The following CERT1 variants were observed in gnomAD, a reference collection of about 807,000 sequenced individuals.
CERT1 encodes the protein ceramide transporter 1.
In CERT1, 31 loss-of-function variants were observed where a neutral mutation model predicts 87.9. The ratio of observed to expected loss-of-function variants is 0.35; its 90% CI spans 0.27 to 0.48. The LOEUF (loss-of-function observed/expected upper bound fraction) is 0.48, where lower values mean the gene tolerates loss of function less well. Among genes scored for constraint, CERT1 ranks in the 20% least tolerant of loss-of-function variants. The pLI is 0.99. For synonymous variants in CERT1, 289 were observed against 250.9 expected (o/e 1.15, Z -1.44); for missense variants, 487 against 758.0 (o/e 0.64, Z 4.20).
intron 8 of CERT1, 191 bp downstream of exon 8, chr5:75,410,820 G>A: frequency 2.7e-6 from 1 of 367,732 alleles, no homozygotes; most frequent in South Asian, 8.0e-5. Flanking sequence ...AAACTTTGTA[G>A]GCAATAAGAA....
At chr5:75,380,692 C>A (rs1425155107) in intron 16 of CERT1, among the ~76,000 whole-genome samples, 2 of 148,876 alleles carry the variant, frequency 1.3e-5, no homozygotes, top group South Asian at 4.3e-4. Flanking sequence ...GGCAGAGAAT[C>A]GCTTGAACCC....
intron 7 of CERT1, among the ~76,000 whole-genome samples, chr5:75,414,511 G>GT: frequency 6.6e-6 from 1 of 152,250 alleles, no homozygotes; most frequent in East Asian, 1.9e-4. Flanking sequence ...ATCTAATAAT[G>GT]TAAGAAAATG....
chr5:75,497,644 C>T (rs866256267), intron 2 of CERT1, among the ~76,000 whole-genome samples: 3 of 151,998 alleles, frequency 2.0e-5, no homozygotes, highest in Admixed American at 6.6e-5. Flanking sequence ...TTTTTCCTGC[C>T]GCCCTGTTAA....
intron 11 of CERT1, among the ~76,000 whole-genome samples, chr5:75,392,628 C>T (rs1762072068): frequency 6.6e-6 from 1 of 152,106 alleles, no homozygotes; most frequent in Admixed American, 6.6e-5. Flanking sequence ...TCAGATTTAA[C>T]CTGATAATCT....
chr5:75,445,739 C>T (rs1201698813), intron 3 of CERT1, among the ~76,000 whole-genome samples: 1 of 152,170 alleles, frequency 6.6e-6, no homozygotes, highest in African/African-American at 2.4e-5. Flanking sequence ...AATGATCCAC[C>T]TGCCTCTACC....
chr5:75,444,112 G>A (rs1267365924), intron 3 of CERT1, among the ~76,000 whole-genome samples: 1 of 152,144 alleles, frequency 6.6e-6, no homozygotes, highest in Non-Finnish European at 1.5e-5. Flanking sequence ...CAGGAGTGCA[G>A]TGGCGTGATC....
chr5:75,395,555 C>CAAAAAAAAAAAA (rs35109034), intron 11 of CERT1, among the ~76,000 whole-genome samples: 1 of 48,014 alleles, frequency 2.1e-5, no homozygotes, highest in African/African-American at 7.2e-5. Context: ...TGTCTCTTTA[C>CAAAAAAAAAAAA]AAAAAAAAAA....
intron 3 of CERT1, among the ~76,000 whole-genome samples, chr5:75,438,701 A>G (rs1243299123): frequency 6.6e-6 from 1 of 152,142 alleles, no homozygotes; most frequent in African/African-American, 2.4e-5. Context: ...CCATTTCAAC[A>G]TATTTGCTTT....
chr5:75,483,715 A>G (rs1270462381), intron 2 of CERT1, among the ~76,000 whole-genome samples: 1 of 152,140 alleles, frequency 6.6e-6, no homozygotes, highest in Admixed American at 6.5e-5. Context: ...CTTTTATCTT[A>G]GAATAGTATA....
At chr5:75,388,067 G>A (rs1022343939) in intron 12 of CERT1, among the ~76,000 whole-genome samples, 4 of 152,138 alleles carry the variant, frequency 2.6e-5, no homozygotes, top group African/African-American at 2.4e-5. Flanking sequence ...CCTTTCTTCC[G>A]CGAAGAGCAT....
At chr5:75,377,148 G>C (rs1392327825), downstream of CERT1, 1 of 152,148 alleles carries the variant, frequency 6.6e-6, no homozygotes, top group African/African-American at 2.4e-5. Context: ...ACTAAAGCAG[G>C]CTTAAACTCA....
intron 2 of CERT1, among the ~76,000 whole-genome samples, chr5:75,466,418 G>A (rs957655105): frequency 3.9e-5 from 6 of 152,150 alleles, no homozygotes; most frequent in African/African-American, 7.2e-5. Context: ...ATGAGGTGTC[G>A]CTCCACAACA....
chr5:75,405,876 G>C (rs1173683164), intron 8 of CERT1, among the ~76,000 whole-genome samples: 12 of 141,212 alleles, frequency 8.5e-5, no homozygotes, highest in Middle Eastern at 7.1e-3. Flanking sequence ...AGTTACTGGG[G>C]GGGGGGGGGG....
chr5:75,485,133 T>A (rs1172802065), intron 2 of CERT1, among the ~76,000 whole-genome samples: 1 of 151,778 alleles, frequency 6.6e-6, no homozygotes, highest in African/African-American at 2.4e-5. Flanking sequence ...AATTAAACAA[T>A]TTTTTTGAAA....
At chr5:75,386,946 C>A (rs551509082) in intron 12 of CERT1, among the ~76,000 whole-genome samples, 39 of 152,298 alleles carry the variant, frequency 2.6e-4, no homozygotes, top group Middle Eastern at 3.4e-3. Context: ...CGGCTCACTG[C>A]AACCTCCGCC....
At chr5:75,488,069 G>A (rs941787342) in intron 2 of CERT1, among the ~76,000 whole-genome samples, 2 of 151,822 alleles carry the variant, frequency 1.3e-5, no homozygotes, top group African/African-American at 4.8e-5. Flanking sequence ...AAGATTAGAG[G>A]GAGGGAGTGT....
chr5:75,492,753 A>G lies in CERT1; in HGVS notation c.231+13229T>C, dbSNP rs145437378. On this transcript the variant is annotated intron_variant, in intron 2 of 16. Transcript: ENST00000643780. ...ACAACTCAATTGATTTACATGTCAG[A>G]GCAACTATCAACGTCCAGAGAGCAA... Among the ~76,000 whole-genome samples the G allele has an allele frequency of 5.4e-3, 827 of 152,348 alleles. 3 individuals carry two copies. The highest frequency in any genetic ancestry group is 8.0e-3 in the Non-Finnish European group (544 of 68,028).
rs375559066 is a variant in CERT1, at chr5:75,399,260, G to C, written c.1188+50C>G. ...TTTCTAGGAACTGGGAAAGCAGGCT[G>C]AAATATAGCACAGAAAGACTCAAGT... On this transcript the variant is annotated intron_variant, in intron 11 of 16. Transcript: ENST00000643780. The C allele has an allele frequency of 8.7e-6, 12 of 1,381,062 alleles. No homozygotes were observed. The African/African-American group carries it at 1.6e-4, about 18-fold the overall frequency. The allele number at this position is 1,381,062 out of a possible 1,614,324, so 85.6% of individuals were successfully genotyped here.
At chr5:75,476,079 T>C (rs1250154342) in intron 2 of CERT1, among the ~76,000 whole-genome samples, 3 of 152,182 alleles carry the variant, frequency 2.0e-5, no homozygotes, top group Non-Finnish European at 4.4e-5. Context: ...TTTGAAACAA[T>C]ACAAGCTTCT....
Sources: gnomAD v4.1 joint callset for allele counts (sites outside exome capture counted in the v4.1 genomes callset) on GRCh38, gnomAD v4.1.1 for gene constraint, MANE v1.5 for transcripts, NCBI Gene and HGNC (gene_info 2026-07-23, HGNC 2026-07-21) for gene names.